GPHN: variants seen among roughly 807,000 people sequenced by gnomAD.
GPHN encodes gephyrin.
A neutral mutation model predicts 95.5 loss-of-function variants in GPHN; 17 were observed. The observed-to-expected ratio is 0.18, with a 90% CI of 0.12 to 0.27. The LOEUF is 0.27. Ranked by LOEUF, GPHN falls within the 10% of genes least tolerant of loss-of-function variation. GPHN has a pLI of 1.00. For synonymous variants in GPHN, 320 were observed against 322.5 expected (o/e 0.99, Z 0.08); for missense variants, 660 against 978.1 (o/e 0.67, Z 4.34).
At chr14:67,576,083 T>G in the GPHN span, 6 of 1,166,864 alleles carry the variant, frequency 5.1e-6, no homozygotes, top group East Asian at 4.8e-5. This position sits in a 1 kb window ranked among gnomAD's most constrained non-coding sequence, Gnocchi z 4.0. Context: ...TCTCCTGAGC[T>G]TCCCAAAATT....
At chr14:67,445,865 G>T in the GPHN span, among the ~76,000 whole-genome samples, 3 of 152,110 alleles carry the variant, frequency 2.0e-5, no homozygotes, top group Admixed American at 1.3e-4. Context: ...GGCATTAGAG[G>T]CATGAGCCTC....
chr14:67,040,154 GA>G (rs1423193362), intron 10 of GPHN, among the ~76,000 whole-genome samples: 3 of 152,116 alleles, frequency 2.0e-5, no homozygotes, highest in African/African-American at 7.2e-5. Context: ...GACTATTGAT[GA>G]AAGTGATTTT....
At chr14:67,052,684 T>A (rs1305937962) in intron 10 of GPHN, among the ~76,000 whole-genome samples, 3 of 152,082 alleles carry the variant, frequency 2.0e-5, no homozygotes, top group Non-Finnish European at 4.4e-5. Context: ...CTAAAAAGAT[T>A]GCATAATTGG....
the GPHN span, among the ~76,000 whole-genome samples, chr14:67,307,117 TG>T: frequency 1.3e-5 from 2 of 152,224 alleles, no homozygotes; most frequent in African/African-American, 2.4e-5. Context: ...TAGCAATCAG[TG>T]GCTGCTCTTT....
chr14:67,103,199 A>T (rs975878430), intron 13 of GPHN, among the ~76,000 whole-genome samples: 18 of 152,236 alleles, frequency 1.2e-4, no homozygotes, highest in African/African-American at 4.3e-4. Context: ...TGGGTTCTCT[A>T]TTCTGATCCA....
At chr14:66,880,653 C>T (rs753103398) in intron 5 of GPHN, among the ~76,000 whole-genome samples, 1 of 151,708 alleles carries the variant, frequency 6.6e-6, no homozygotes, top group Non-Finnish European at 1.5e-5. Flanking sequence ...AAAAGAAGCT[C>T]AATTCATATT....
chr14:66,613,655 A>G (rs1595236585), intron 1 of GPHN, among the ~76,000 whole-genome samples: 1 of 152,140 alleles, frequency 6.6e-6, no homozygotes, highest in South Asian at 2.1e-4. Context: ...CAAATGTGCA[A>G]TCTGTGAATA....
At chr14:66,770,599 T>C (rs1189218241) in intron 2 of GPHN, among the ~76,000 whole-genome samples, 1 of 152,206 alleles carries the variant, frequency 6.6e-6, no homozygotes, top group Non-Finnish European at 1.5e-5. Context: ...TTTTTACCTT[T>C]AGTAGTAACT....
At chr14:66,719,590 A>C (rs1011938647) in intron 2 of GPHN, among the ~76,000 whole-genome samples, 1 of 151,958 alleles carries the variant, frequency 6.6e-6, no homozygotes, top group Admixed American at 6.6e-5. Flanking sequence ...GCCAAAATTC[A>C]CCGTGTGAAC....
At chr14:67,627,213 T>C in the GPHN span, among the ~76,000 whole-genome samples, 1 of 149,818 alleles carries the variant, frequency 6.7e-6, no homozygotes, top group Non-Finnish European at 1.5e-5. Flanking sequence ...ATGTGAATTA[T>C]ATCTCAATAA....
chr14:66,942,935 C>A (rs2067515246), intron 8 of GPHN, among the ~76,000 whole-genome samples: 1 of 151,980 alleles, frequency 6.6e-6, no homozygotes, highest in Non-Finnish European at 1.5e-5. Context: ...TTTATTTTGC[C>A]AAAATGATGA....
At chr14:66,574,498 AT>A (rs1468357451) in intron 1 of GPHN, among the ~76,000 whole-genome samples, 1 of 152,136 alleles carries the variant, frequency 6.6e-6, no homozygotes, top group Non-Finnish European at 1.5e-5. Context: ...TGAGTTTTAT[AT>A]TTTCATATGT....
At chr14:67,073,438 G>T (rs1332903549) in intron 11 of GPHN, among the ~76,000 whole-genome samples, 1 of 151,980 alleles carries the variant, frequency 6.6e-6, no homozygotes, top group Non-Finnish European at 1.5e-5. Flanking sequence ...TGACCTCAAG[G>T]ACATTTTAGA....
chr14:67,152,752 G>A (rs2081355442), intron 18 of GPHN, among the ~76,000 whole-genome samples: 1 of 152,132 alleles, frequency 6.6e-6, no homozygotes, highest in Admixed American at 6.5e-5. Flanking sequence ...AGATCACGAG[G>A]TCAGGAGATT....
At chr14:67,069,069 T>C (rs955239272) in intron 11 of GPHN, among the ~76,000 whole-genome samples, 1 of 152,214 alleles carries the variant, frequency 6.6e-6, no homozygotes, top group East Asian at 1.9e-4. Context: ...TTGGCTCTTT[T>C]ACTTGCTCTA....
At chr14:67,072,072 T>C (rs2076332995) in intron 11 of GPHN, among the ~76,000 whole-genome samples, 1 of 152,172 alleles carries the variant, frequency 6.6e-6, no homozygotes, top group Non-Finnish European at 1.5e-5. Flanking sequence ...TATACATGTC[T>C]TATTTGCTGT....
At chr14:67,090,281 T>C (rs965785732) in intron 12 of GPHN, among the ~76,000 whole-genome samples, 1 of 151,982 alleles carries the variant, frequency 6.6e-6, no homozygotes, top group Non-Finnish European at 1.5e-5. Context: ...AAAATACAGG[T>C]TGGGCATCCC....
chr14:67,106,156 A>G (rs773212467), intron 13 of GPHN, among the ~76,000 whole-genome samples: 11 of 152,156 alleles, frequency 7.2e-5, no homozygotes, highest in Middle Eastern at 3.2e-3. Context: ...TCCAAAGGAT[A>G]GCTTTGCTGC....
intron 1 of GPHN, among the ~76,000 whole-genome samples, chr14:66,601,750 T>G (rs1401062978): frequency 6.6e-6 from 1 of 151,914 alleles, no homozygotes; most frequent in African/African-American, 2.4e-5. Flanking sequence ...AAAAAATTGT[T>G]TCCCAATTTT....
Sources: gnomAD v4.1 joint callset for allele counts (sites outside exome capture counted in the v4.1 genomes callset) on GRCh38, gnomAD v4.1.1 for gene constraint, Gnocchi (gnomAD v3.1) non-coding constraint, MANE v1.5 for transcripts, NCBI Gene and HGNC (gene_info 2026-07-23, HGNC 2026-07-21) for gene names.